The following MYO5A variants were observed in gnomAD, a reference collection of about 807,000 sequenced individuals.
MYO5A encodes the protein unconventional myosin-Va.
MYO5A carries 98 observed loss-of-function variants against 249.7 expected under a neutral mutation model. That is an observed-to-expected ratio of 0.39 (90% CI 0.33 to 0.46). The LOEUF (loss-of-function observed/expected upper bound fraction) is 0.46. Ranked by LOEUF, MYO5A falls within the 20% of genes least tolerant of loss-of-function variation. The pLI is 0.98. For synonymous variants in MYO5A, 778 were observed against 810.6 expected (o/e 0.96, Z 0.68); for missense variants, 1,696 against 2,308.8 (o/e 0.73, Z 5.44).
chr15:52,471,381 A>T (rs749971116), intron 1 of MYO5A, among the ~76,000 whole-genome samples: 14 of 152,110 alleles, frequency 9.2e-5, no homozygotes, highest in Non-Finnish European at 1.9e-4. Context: ...AGGTGGGAGG[A>T]TCGCTTGAGC....
chr15:52,433,874 T>C (rs1255085184), intron 1 of MYO5A, among the ~76,000 whole-genome samples: 3 of 152,176 alleles, frequency 2.0e-5, no homozygotes, highest in African/African-American at 7.2e-5. Flanking sequence ...AGTATAATTT[T>C]AGGTTAAAAT....
chr15:52,480,740 G>C (rs1693491), intron 1 of MYO5A, among the ~76,000 whole-genome samples: 141,895 of 152,300 alleles, frequency 0.93, 66,946 homozygotes, highest in East Asian at 1. Context: ...AGGAGGAGTC[G>C]CATGAGAAAA....
rs2037672941 is a variant in MYO5A at position 52,308,094 on chromosome 15, T to C, written c.*5602A>G. The C allele has an allele frequency of 6.6e-6, 1 of 152,192 alleles. No homozygotes were observed. The highest frequency in any genetic ancestry group is 2.4e-5 in the African/African-American group (1 of 41,448). The allele number at this position is 152,192 out of a possible 1,614,324, so 9.4% of individuals were successfully genotyped here. ...AACCTGCCAAGCACTGAATTATATA[T>C]ACCAGTTTCAACTAAAAAACAACAT... On this transcript the variant is annotated 3_prime_UTR_variant, in exon 42 of 42. Transcript: ENST00000399233.
At chr15:52,354,912 G>C (rs1417500483) in intron 25 of MYO5A, among the ~76,000 whole-genome samples, 1 of 151,094 alleles carries the variant, frequency 6.6e-6, no homozygotes, top group Non-Finnish European at 1.5e-5. Context: ...ATATCTTAAA[G>C]TATTACATGA....
chr15:52,429,115 C>G (rs530619128), intron 2 of MYO5A, among the ~76,000 whole-genome samples: 1 of 152,288 alleles, frequency 6.6e-6, no homozygotes, highest in East Asian at 1.9e-4. Flanking sequence ...CCACTAGATA[C>G]CCAAGAATCC....
chr15:52,462,415 A>T (rs933982200), intron 1 of MYO5A, among the ~76,000 whole-genome samples: 25 of 152,214 alleles, frequency 1.6e-4, no homozygotes, highest in Non-Finnish European at 3.4e-4. Context: ...ACTAAGTACC[A>T]AAAAGATCAC....
intron 16 of MYO5A, 138 bp downstream of exon 16, chr15:52,382,953 T>C (rs577117670): frequency 9.5e-6 from 7 of 739,866 alleles, no homozygotes; most frequent in Non-Finnish European, 9.6e-6. Flanking sequence ...GACTAGTGGT[T>C]TCCCTCTACA....
chr15:52,520,182 C>T (rs2077587441), intron 1 of MYO5A, among the ~76,000 whole-genome samples: 1 of 152,186 alleles, frequency 6.6e-6, no homozygotes, highest in African/African-American at 2.4e-5. Context: ...TCATAGCATA[C>T]ATGGACTGAG....
intron 1 of MYO5A, chr15:52,505,123 T>C: frequency 2.9e-6 from 2 of 689,274 alleles, no homozygotes; most frequent in Non-Finnish European, 5.3e-6. Context: ...CCAAGGACAA[T>C]CTGTGGGCCA....
At chr15:52,500,131 C>T (rs2077123270) in intron 1 of MYO5A, among the ~76,000 whole-genome samples, 4 of 152,152 alleles carry the variant, frequency 2.6e-5, no homozygotes, top group African/African-American at 9.7e-5. Context: ...TACATTATCA[C>T]CACCCGTGCA....
intron 1 of MYO5A, among the ~76,000 whole-genome samples, chr15:52,519,141 A>G (rs1392208847): frequency 6.6e-6 from 1 of 152,226 alleles, no homozygotes. Context: ...GAAATTGTGC[A>G]CAATTCTTAC....
Position 52,319,274 on chromosome 15 carries a change from G to T in MYO5A, c.5020C>A (p.Arg1674=), listed in dbSNP as rs2290333. 5.7e-4 allele frequency: 921 copies of T among 1,614,146 alleles called. 10 individuals carry two copies. The East Asian group carries it at 0.02, about 34-fold the overall frequency. ...CCCTCATCGGCGATACTGGAGGTTC[G>T]CTTTCTCAACCCTGTGGGCTTCACC... The part of the protein sequence containing the change: ...SGVKPTGLRK[R]TSSIADEGTY... The change falls in exon 39 of 42, where the codon CGA becomes AGA. Residue 1674 remains arginine, a synonymous_variant. Coordinates refer to ENST00000399233, the MANE Select transcript of MYO5A (RefSeq NM_001382347.1).
chr15:52,369,383 T>C (rs2040982637), intron 22 of MYO5A, among the ~76,000 whole-genome samples: 1 of 152,242 alleles, frequency 6.6e-6, no homozygotes, highest in African/African-American at 2.4e-5. Context: ...CCAGGAAGCC[T>C]AATGTTGAGG....
In MYO5A at chr15:52,309,006, G is replaced by A. The variant is rs1415161806; in HGVS notation, c.*4690C>T. 1 of 152,556 alleles carries A rather than the reference G, an allele frequency of 6.6e-6. No homozygotes were observed. Among genetic ancestry groups the A allele is most frequent in the Non-Finnish European group, 1.5e-5 (1 of 68,188 alleles). 9.5% of individuals were successfully genotyped at this position (152,556 alleles called of 1,614,324 possible). The stretch of plus-strand genomic sequence containing the variant: ...GCACACACTGACTTGTATATGGCCT[G>A]CCCAGTGACAGCCCTCGGAAGGCAC... On this transcript the variant is annotated 3_prime_UTR_variant, in exon 42 of 42. Transcript: ENST00000399233.
intron 4 of MYO5A, among the ~76,000 whole-genome samples, chr15:52,416,809 A>G (rs144955577): frequency 6.6e-6 from 1 of 152,214 alleles, no homozygotes; most frequent in Non-Finnish European, 1.5e-5. Flanking sequence ...GGGTCTTCAC[A>G]ATGCCTGGGA....
chr15:52,521,575 C>T (rs1037956897), intron 1 of MYO5A, among the ~76,000 whole-genome samples: 7 of 152,204 alleles, frequency 4.6e-5, no homozygotes, highest in African/African-American at 1.4e-4. Flanking sequence ...CTCATGAACA[C>T]TTAGTGCATT....
intron 38 of MYO5A, among the ~76,000 whole-genome samples, chr15:52,320,844 T>C (rs2038266370): frequency 6.6e-6 from 1 of 152,026 alleles, no homozygotes; most frequent in Non-Finnish European, 1.5e-5. Flanking sequence ...AAACCCCGTC[T>C]CTACTAAAAA....
chr15:52,372,571 G>T (rs908729084), intron 20 of MYO5A, among the ~76,000 whole-genome samples: 4 of 152,108 alleles, frequency 2.6e-5, no homozygotes, highest in Non-Finnish European at 4.4e-5. Flanking sequence ...GACTTTAGAA[G>T]GTGATTTCAG....
At chr15:52,465,614 G>T (rs1212375346) in intron 1 of MYO5A, among the ~76,000 whole-genome samples, 1 of 152,118 alleles carries the variant, frequency 6.6e-6, no homozygotes, top group Admixed American at 6.5e-5. Flanking sequence ...CTATGATCAT[G>T]CCACTGCACT....
Sources: gnomAD v4.1 joint callset for allele counts (sites outside exome capture counted in the v4.1 genomes callset) on GRCh38, gnomAD v4.1.1 for gene constraint, MANE v1.5 for transcripts, NCBI Gene and HGNC (gene_info 2026-07-23, HGNC 2026-07-21) for gene names.